The following TGM5 variants were observed in gnomAD, a reference collection of about 807,000 sequenced individuals.
TGM5 encodes the protein protein-glutamine gamma-glutamyltransferase 5.
TGM5 carries 69 observed loss-of-function variants against 77.2 expected under a neutral mutation model. The observed-to-expected ratio is 0.89, with a 90% CI of 0.74 to 1.09. TGM5 has a LOEUF of 1.09. Among genes scored for constraint, TGM5 ranks in the 50% least tolerant of loss-of-function variants. TGM5 has a pLI of 0.00. For missense variants in TGM5, 842 were observed against 896.5 expected, an observed-to-expected ratio of 0.94 and a Z score of 0.78; for synonymous variants, 346 against 351.8, an observed-to-expected ratio of 0.98 and a Z score of 0.18.
chr15:43,257,899 TA>T (rs1316705541), intron 3 of TGM5, among the ~76,000 whole-genome samples: 4 of 152,126 alleles, frequency 2.6e-5, no homozygotes, highest in African/African-American at 9.7e-5. Flanking sequence ...TATGCAGCCA[TA>T]AAAAATGATG....
intron 4 of TGM5, among the ~76,000 whole-genome samples, chr15:43,254,596 A>C (rs1158430479): frequency 6.6e-6 from 1 of 152,130 alleles, no homozygotes; most frequent in African/African-American, 2.4e-5. Context: ...AGTTCCTCCC[A>C]GATCTGGCCC....
At position 43,235,714 on chromosome 15, in the gene TGM5, C is replaced by G; in HGVS notation, c.1469G>C (p.Ser490Thr). 2 of 1,614,204 alleles carry G rather than the reference C, an allele frequency of 1.2e-6. No homozygotes were observed. Among genetic ancestry groups the G allele is most frequent in the Non-Finnish European group, 1.7e-6 (2 of 1,180,040 alleles). ...GGAAGGTGTATGCAGGCTCCGAGGG[C>G]TGTCCTGGCTCAGTGATGTGGGCCT... is the stretch of plus-strand genomic sequence containing the variant. ...PSRPTSLSQD[S>T]PRSLHTPSLR... Residue 490 changes from serine to threonine, a missense_variant, in exon 10 of 13, where the codon AGC becomes ACC. Ser to Thr is a moderately conservative substitution (Grantham distance 58). Transcript: ENST00000220420.
chr15:43,261,318 T>C (rs1219064839), intron 1 of TGM5, among the ~76,000 whole-genome samples: 5 of 152,082 alleles, frequency 3.3e-5, no homozygotes, highest in Non-Finnish European at 5.9e-5. Flanking sequence ...CTGGATCTCC[T>C]GACCTCGTGA....
intron 6 of TGM5, chr15:43,241,192 T>G: frequency 1.5e-6 from 1 of 684,090 alleles, no homozygotes; most frequent in Admixed American, 2.3e-5. Context: ...TAGGCAAAGG[T>G]GGGGATGCTG....
Position 43,235,633 on chromosome 15 carries a change from G to A in TGM5, c.1550C>T (p.Pro517Leu). The stretch of plus-strand genomic sequence containing the variant: ...AAAGCATATATCCTGGCCCATGTTG[G>A]GCGGGTCGAGCAGCTTGAATTTCAG... The part of the protein sequence containing the change: ...VSLKFKLLDP[P>L]NMGQDICFVL... The change falls in exon 10 of 13, where the codon CCC (proline) becomes CTC (leucine). Residue 517 changes from proline (P) to leucine (L), a missense_variant. By Grantham distance (98) the Pro-to-Leu change is moderately conservative. Around this residue, in one of 2 missense-constraint regions of TGM5, gnomAD observed 815 missense variants for 844.6 expected, o/e 0.96. Transcript: ENST00000220420. 6.2e-7 allele frequency: 1 copy of A among 1,614,182 alleles called. No homozygotes were observed. The highest frequency in any genetic ancestry group is 8.5e-7 in the Non-Finnish European group (1 of 1,180,048).
chr15:43,253,984 G>A (rs1409867797), intron 4 of TGM5, among the ~76,000 whole-genome samples: 2 of 152,050 alleles, frequency 1.3e-5, no homozygotes, highest in Admixed American at 6.6e-5. Context: ...GGGTGTTCCT[G>A]CCAAAACCAC....
At position 43,240,927 on chromosome 15, in the gene TGM5, T is replaced by C. The variant is rs1331313655; in HGVS notation, c.926A>G (p.Asp309Gly). The part of the protein sequence containing the change: ...ITNFDSGHDT[D>G]GNLIIDEYYD... ...ATACTCATCTATGATCAGGTTTCCA[T>C]CTGTATCGTGGCCAGAGTCGAAGTT... Residue 309 changes from aspartate to glycine, a missense_variant, in exon 7 of 13, where the codon GAT (aspartate) becomes GGT (glycine). Physicochemically the swap from Asp to Gly is moderately conservative, Grantham distance 94. This residue lies in a region of TGM5 where 815 missense variants were observed against 844.6 expected (regional missense o/e 0.96). Transcript: ENST00000220420. The C allele has an allele frequency of 1.2e-6, 2 of 1,614,066 alleles. No individual in the cohort carries two copies. The highest frequency in any genetic ancestry group is 1.7e-6 in the Non-Finnish European group (2 of 1,180,046).
chr15:43,249,429 T>C (rs915341614), intron 6 of TGM5, among the ~76,000 whole-genome samples: 8 of 152,130 alleles, frequency 5.3e-5, no homozygotes, highest in Non-Finnish European at 1.0e-4. Flanking sequence ...CTCCCAACTA[T>C]CCCCTCCTCC....
At chr15:43,264,140 G>A (rs1352088772) in intron 1 of TGM5, among the ~76,000 whole-genome samples, 1 of 152,162 alleles carries the variant, frequency 6.6e-6, no homozygotes, top group Non-Finnish European at 1.5e-5. Flanking sequence ...AATAACAAGT[G>A]TTAGTGGGAA....
chr15:43,241,067 A>G lies in TGM5; in HGVS notation c.863-77T>C, dbSNP rs2042632771. 7 of 1,591,188 alleles carry G rather than the reference A, an allele frequency of 4.4e-6. No homozygotes were observed. In the South Asian group the frequency reaches 7.8e-5, roughly 18 times the overall value. On this transcript the variant is annotated intron_variant, in intron 6 of 12. Coordinates refer to ENST00000220420, the MANE Select transcript of TGM5 (RefSeq NM_201631.4). ...TATATTCCTGGACTTTGGGGCCTGG[A>G]CCTGGGGAAATCTTCCATTTGCCAT...
At chr15:43,248,120 G>GA (rs1566832510) in intron 6 of TGM5, among the ~76,000 whole-genome samples, 1 of 151,926 alleles carries the variant, frequency 6.6e-6, no homozygotes, top group African/African-American at 2.4e-5. Context: ...AAATAAAAGG[G>GA]AAAAAAAGTG....
chr15:43,266,890 G>C lies in TGM5; in HGVS notation c.-41C>G. 6.2e-7 allele frequency: 1 copy of C among 1,613,702 alleles called. No individual in the cohort carries two copies. The highest frequency in any genetic ancestry group is 1.3e-5 in the African/African-American group (1 of 75,052). The stretch of plus-strand genomic sequence containing the variant: ...TTCCTGGGATGCTCCCCACAGAACA[G>C]CTGGGCGGTCTGGAGCTTCAGCAAA... On this transcript the variant is annotated 5_prime_UTR_variant, in exon 1 of 13. Transcript: ENST00000220420.
chr15:43,253,532 A>G lies in TGM5; in HGVS notation c.658T>C (p.Tyr220His). The G allele has an allele frequency of 1.2e-6, 2 of 1,613,332 alleles. No individual in the cohort carries two copies. Among genetic ancestry groups the G allele is most frequent in the Non-Finnish European group, 1.7e-6 (2 of 1,180,038 alleles). Residue 220 changes from tyrosine (Y) to histidine (H), a missense_variant, in exon 5 of 13, where the codon TAC (tyrosine) becomes CAC (histidine). Physicochemically the swap from Tyr to His is moderately conservative, Grantham distance 83 (BLOSUM62 2). This residue lies in a region of TGM5 where 815 missense variants were observed against 844.6 expected (regional missense o/e 0.96). Transcript: ENST00000220420. Reference sequence around the variant, plus strand: ...ATGGCACACACCACTCTGCTGACGTAGACGGGGCTTCCCCGCAGAGCACAG... The same window carrying G: ...ATGGCACACACCACTCTGCTGACGTGGACGGGGCTTCCCCGCAGAGCACAG... Reference protein sequence around the residue: ...TDCALRGSPVYVSRVVCAMIN... With the variant: ...TDCALRGSPVHVSRVVCAMIN...
chr15:43,252,743 C>A lies in TGM5; in HGVS notation c.862+16G>T. On this transcript the variant is annotated intron_variant, in intron 6 of 12. Coordinates refer to ENST00000220420, the MANE Select transcript of TGM5 (RefSeq NM_201631.4). ...TATACTTCTGACCTTTTTGTGGGGT[C>A]CTTTCTACCTCCTACCTGTGCACAT... 1 of 1,613,010 alleles carries A rather than the reference C, an allele frequency of 6.2e-7. No individual in the cohort carries two copies. The highest frequency in any genetic ancestry group is 2.2e-5 in the East Asian group (1 of 44,880).
intron 6 of TGM5, among the ~76,000 whole-genome samples, chr15:43,252,490 G>A (rs944371803): frequency 2.0e-5 from 3 of 151,888 alleles, no homozygotes; most frequent in African/African-American, 4.8e-5. Context: ...GCTAATTTTT[G>A]TATTTTTAGT....
intron 9 of TGM5, among the ~76,000 whole-genome samples, chr15:43,236,544 C>A (rs2042591669): frequency 6.6e-6 from 1 of 152,160 alleles, no homozygotes; most frequent in Non-Finnish European, 1.5e-5. Context: ...CCCCAGGGAC[C>A]AGCTCTACCC....
Position 43,260,442 on chromosome 15 carries a change from A to G in TGM5, c.148T>C (p.Phe50Leu), listed in dbSNP as rs2042776790. 1.2e-6 allele frequency: 2 copies of G among 1,614,164 alleles called. No homozygotes were observed. Among genetic ancestry groups the G allele is most frequent in the Non-Finnish European group, 8.5e-7 (1 of 1,180,026 alleles). ...ATGATGTTGTCCAGGCCTGGCTGGA[A>G]GCTCCGGTTCCTGAAGTACAGGGTG... ...NLTLYFRNRS[F>L]QPGLDNIIFV... The change falls in exon 2 of 13, where the codon TTC becomes CTC. Residue 50 changes from phenylalanine (F) to leucine (L), a missense_variant. Around this residue, in one of 2 missense-constraint regions of TGM5, gnomAD observed 815 missense variants for 844.6 expected, o/e 0.96. Transcript: ENST00000220420.
At position 43,255,590 on chromosome 15, in the gene TGM5, A is replaced by C. The variant is rs183400277; in HGVS notation, c.555+978T>G. Among the ~76,000 whole-genome samples the C allele has an allele frequency of 9.9e-5, 15 of 152,128 alleles. No individual in the cohort carries two copies. In the East Asian group the frequency reaches 2.9e-3, roughly 29 times the overall value. On this transcript the variant is annotated intron_variant, in intron 4 of 12. Transcript: ENST00000220420. ...GGGGCTGGAAGGACACATATGTTGG[A>C]GTTCTATTTGGGCAGGTCCAGGAGA...
chr15:43,258,795 C>G (rs1596450800), intron 3 of TGM5, among the ~76,000 whole-genome samples: 1 of 152,308 alleles, frequency 6.6e-6, no homozygotes, highest in Non-Finnish European at 1.5e-5. Flanking sequence ...GGGTGTGGCA[C>G]AAGCTCAAGA....
Sources: gnomAD v4.1 joint callset for allele counts (sites outside exome capture counted in the v4.1 genomes callset) on GRCh38, gnomAD v4.1.1 for gene constraint, gnomAD v4.1.1 regional missense constraint, MANE v1.5 for transcripts, NCBI Gene and HGNC (gene_info 2026-07-23, HGNC 2026-07-21) for gene names.